POM121C: variants seen among roughly 807,000 people sequenced by gnomAD.
POM121C encodes the protein POM121 transmembrane nucleoporin C.
In POM121C, 20 loss-of-function variants were observed where a neutral mutation model predicts 66.4. The ratio of observed to expected loss-of-function variants is 0.30; its 90% CI spans 0.21 to 0.44. The LOEUF is 0.44. Among genes scored for constraint, POM121C ranks in the 20% least tolerant of loss-of-function variants. POM121C has a pLI of 1.00. For missense variants in POM121C, 580 were observed against 1,225.7 expected, an observed-to-expected ratio of 0.47 and a Z score of 7.87; for synonymous variants, 286 against 528.0, an observed-to-expected ratio of 0.54 and a Z score of 6.28.
intron 7 of POM121C, among the ~76,000 whole-genome samples, chr7:75,430,068 A>G (rs1232504046): frequency 6.6e-6 from 1 of 152,238 alleles, no homozygotes. Flanking sequence ...AACAAGGTCA[A>G]TATTATAACA....
intron 3 of POM121C, among the ~76,000 whole-genome samples, chr7:75,473,742 G>A (rs1791961664): frequency 6.6e-6 from 1 of 151,336 alleles, no homozygotes; most frequent in Non-Finnish European, 1.5e-5. Context: ...AGGCTGGAGT[G>A]CAGTGGCGGG....
At chr7:75,462,616 GT>G (rs1554477191) in intron 3 of POM121C, among the ~76,000 whole-genome samples, 1 of 152,096 alleles carries the variant, frequency 6.6e-6, no homozygotes, top group Non-Finnish European at 1.5e-5. Context: ...AAAGCATTTT[GT>G]TTTCCCGTTC....
At chr7:75,449,864 A>T (rs1410882104) in intron 3 of POM121C, among the ~76,000 whole-genome samples, 1 of 151,790 alleles carries the variant, frequency 6.6e-6, no homozygotes, top group Non-Finnish European at 1.5e-5. Flanking sequence ...AAAATACAAA[A>T]ATTAGCCAGG....
In POM121C at chr7:75,421,807, G is replaced by C. The variant is rs1789721712; in HGVS notation, c.2445C>G (p.Thr815=). The part of the protein sequence containing the change: ...AATSSGFGAT[T]QTASSGSSSS... ...TGCTGCTCCCGCTGCTGGCGGTCTG[G>C]GTGGTGGCTCCAAAGCCGGAGCTGG... Residue 815 remains threonine (T), a synonymous_variant, in exon 13 of 15, where the codon ACC becomes ACG. Coordinates refer to ENST00000615331, the MANE Select transcript of POM121C (RefSeq NM_001099415.3). The C allele has an allele frequency of 6.2e-7, 1 of 1,608,884 alleles. No homozygotes were observed. The highest frequency in any genetic ancestry group is 8.5e-7 in the Non-Finnish European group (1 of 1,178,366).
chr7:75,459,650 T>A (rs1340222595), intron 3 of POM121C, among the ~76,000 whole-genome samples: 2 of 146,788 alleles, frequency 1.4e-5, no homozygotes, highest in East Asian at 2.0e-4. Flanking sequence ...CCAGAGAGAT[T>A]TTTTTTCAGA....
At chr7:75,476,761 T>A (rs1326489266) in intron 1 of POM121C, among the ~76,000 whole-genome samples, 2 of 152,022 alleles carry the variant, frequency 1.3e-5, no homozygotes, top group African/African-American at 4.8e-5. Context: ...AAATGAAACA[T>A]AACCAAACAA....
At chr7:75,419,511 G>C (rs1329283988) in intron 13 of POM121C, 69 bp from the exon 14 acceptor site, 1 of 1,577,300 alleles carries the variant, frequency 6.3e-7, no homozygotes, top group African/African-American at 1.4e-5. Flanking sequence ...CCGGGCAGGA[G>C]CCTGTGCTCT....
chr7:75,434,143 G>A (rs1563141972), intron 7 of POM121C, among the ~76,000 whole-genome samples: 1 of 152,194 alleles, frequency 6.6e-6, no homozygotes, highest in Admixed American at 6.5e-5. Context: ...ACTCTTGAAC[G>A]TGAGATTTGG....
intron 3 of POM121C, among the ~76,000 whole-genome samples, chr7:75,456,011 G>A (rs1791200599): frequency 6.6e-6 from 1 of 152,228 alleles, no homozygotes; most frequent in Non-Finnish European, 1.5e-5. Flanking sequence ...AAAGAGGGAG[G>A]ACAGCTTGAG....
At chr7:75,419,713 C>T (rs1789617194) in intron 13 of POM121C, 2 of 473,640 alleles carry the variant, frequency 4.2e-6, no homozygotes, top group African/African-American at 4.0e-5. Flanking sequence ...GCCTCCTGAC[C>T]ATCGCTGCAG....
At chr7:75,473,774 C>T (rs1283230514) in intron 3 of POM121C, among the ~76,000 whole-genome samples, 5 of 151,480 alleles carry the variant, frequency 3.3e-5, no homozygotes, top group South Asian at 2.1e-4. Flanking sequence ...CTGCAAGCTC[C>T]GCCTCCCGTG....
Position 75,441,469 on chromosome 7 carries a change from T to G in POM121C, c.28A>C (p.Ile10Leu), listed in dbSNP as rs369048264. 8.1e-6 allele frequency: 13 copies of G among 1,613,798 alleles called. No homozygotes were observed. In the African/African-American group the frequency reaches 1.6e-4, roughly 20 times the overall value. Residue 10 changes from isoleucine (I) to leucine (L), a missense_variant, in exon 4 of 15, where the codon ATC becomes CTC. Ile to Leu is a conservative substitution (Grantham distance 5). Transcript: ENST00000615331. ...GAAAATCTTCTGTCAGGAGGGGCGATCCTCACAGTCACTGGGCTACACACC... is the reference window on the plus strand; with the variant it reads ...GAAAATCTTCTGTCAGGAGGGGCGAGCCTCACAGTCACTGGGCTACACACC... MVCSPVTVR[I>L]APPDRRFSRS...
intron 13 of POM121C, 138 bp downstream of exon 13, chr7:75,421,371 T>A: frequency 6.7e-7 from 1 of 1,495,286 alleles, no homozygotes; most frequent in Non-Finnish European, 8.9e-7. Context: ...ACATGTATCA[T>A]GCCCTGGCAT....
At chr7:75,446,755 A>C (rs587719816) in intron 3 of POM121C, among the ~76,000 whole-genome samples, 23 of 152,216 alleles carry the variant, frequency 1.5e-4, no homozygotes, top group African/African-American at 4.8e-4. Context: ...CACGCCTGTA[A>C]TCCCAGCACT....
intron 3 of POM121C, among the ~76,000 whole-genome samples, chr7:75,456,379 G>C (rs1372876498): frequency 6.6e-6 from 1 of 152,282 alleles, no homozygotes; most frequent in Non-Finnish European, 1.5e-5. Flanking sequence ...CATGTACCGA[G>C]TGCTGCTTCT....
At chr7:75,469,046 C>T (rs587617758) in intron 3 of POM121C, among the ~76,000 whole-genome samples, 134 of 152,170 alleles carry the variant, frequency 8.8e-4, no homozygotes, top group African/African-American at 3.2e-3. Context: ...CTTGACTCCT[C>T]TCTTTCTCTT....
intron 1 of POM121C, among the ~76,000 whole-genome samples, chr7:75,480,710 C>T (rs1554479985): frequency 6.6e-6 from 1 of 151,958 alleles, no homozygotes; most frequent in Non-Finnish European, 1.5e-5. Flanking sequence ...CTGTATTCTT[C>T]AAATGTTATA....
In POM121C at chr7:75,421,846, G is replaced by A. The variant is rs187356368; in HGVS notation, c.2406C>T (p.Ser802=). The change falls in exon 13 of 15, where the codon TCC becomes TCT. Residue 802 remains serine, a synonymous_variant. Transcript: ENST00000615331. The part of the protein sequence containing the change: ...PAFGGSTAVF[S]FGAATSSGFG... Reference sequence around the variant, plus strand: ...AGCCGGAGCTGGTGGCTGCACCGAAGGAGAAGACAGCAGTGGAGCCGCCAA... The same window carrying A: ...AGCCGGAGCTGGTGGCTGCACCGAAAGAGAAGACAGCAGTGGAGCCGCCAA... The A allele has an allele frequency of 5.1e-3, 8,259 of 1,610,306 alleles. 337 individuals carry two copies. The Admixed American group carries it at 0.092, about 18-fold the overall frequency.
intron 3 of POM121C, among the ~76,000 whole-genome samples, chr7:75,472,968 G>T (rs1401470759): frequency 2.0e-5 from 3 of 152,230 alleles, no homozygotes; most frequent in Non-Finnish European, 4.4e-5. Context: ...AGGTATGGGA[G>T]AATACTGAAC....
Sources: allele counts gnomAD v4.1 joint callset (sites outside exome capture counted in the v4.1 genomes callset), GRCh38; gene constraint gnomAD v4.1.1; transcripts MANE v1.5; gene names NCBI Gene and HGNC (gene_info 2026-07-23, HGNC 2026-07-21).